Variants in EXOC6 observed in about 807,000 individuals in gnomAD.
The protein encoded by EXOC6 is SEC15-like 1.
In EXOC6, 60 loss-of-function variants were observed where a neutral mutation model predicts 112.5. The observed-to-expected ratio is 0.53, with a 90% CI of 0.43 to 0.66. EXOC6 has a LOEUF of 0.66. Among genes scored for constraint, EXOC6 ranks in the 30% least tolerant of loss-of-function variants. EXOC6 has a pLI of 0.00. For synonymous variants in EXOC6, 295 were observed against 308.0 expected, an observed-to-expected ratio of 0.96 and a Z score of 0.44; for missense variants, 855 against 957.1, an observed-to-expected ratio of 0.89 and a Z score of 1.41.
intron 19 of EXOC6, among the ~76,000 whole-genome samples, chr10:93,005,313 TC>T (rs1362652796): frequency 6.6e-6 from 1 of 152,098 alleles, no homozygotes; most frequent in Non-Finnish European, 1.5e-5. Flanking sequence ...CAAAAATAGC[TC>T]CCTCTGAAAG....
chr10:93,048,358 G>GT (rs1188788460), intron 20 of EXOC6, among the ~76,000 whole-genome samples: 4 of 152,004 alleles, frequency 2.6e-5, no homozygotes, highest in Admixed American at 1.3e-4. Context: ...GTAATTGAAG[G>GT]TTTTTATTAT....
intron 1 of EXOC6, among the ~76,000 whole-genome samples, chr10:92,853,529 C>T (rs963049435): frequency 2.0e-5 from 3 of 152,164 alleles, no homozygotes; most frequent in Non-Finnish European, 2.9e-5. Flanking sequence ...GACTGTGGTA[C>T]TAGCATCAAG....
chr10:92,908,847 C>T (rs1378569467), intron 5 of EXOC6, among the ~76,000 whole-genome samples: 1 of 152,156 alleles, frequency 6.6e-6, no homozygotes, highest in Non-Finnish European at 1.5e-5. Context: ...GGAAATATTA[C>T]ATTCAGTAAA....
intron 1 of EXOC6, among the ~76,000 whole-genome samples, chr10:92,849,449 ATAT>A (rs1487498683): frequency 6.6e-6 from 1 of 152,186 alleles, no homozygotes; most frequent in East Asian, 1.9e-4. Context: ...TTCCAATAGA[ATAT>A]TATTAGCCAG....
intron 7 of EXOC6, among the ~76,000 whole-genome samples, chr10:92,918,240 A>G (rs963294526): frequency 7.9e-5 from 12 of 152,176 alleles, no homozygotes; most frequent in African/African-American, 2.2e-4. Context: ...CTACTATCAT[A>G]GGAACCTTGT....
intron 18 of EXOC6, among the ~76,000 whole-genome samples, chr10:92,979,944 A>G (rs1842770735): frequency 6.6e-6 from 1 of 151,836 alleles, no homozygotes; most frequent in Admixed American, 6.6e-5. Context: ...CCTCCAGATT[A>G]AAATACCTAT....
intron 20 of EXOC6, among the ~76,000 whole-genome samples, chr10:93,024,355 A>C (rs1439574011): frequency 6.6e-6 from 1 of 152,204 alleles, no homozygotes; most frequent in African/African-American, 2.4e-5. Context: ...AGATGAGAAA[A>C]GGTTTCCAAG....
Position 92,861,252 on chromosome 10 carries a change from C to G in EXOC6, c.101+12618C>G, listed in dbSNP as rs960799690. ...TGATTATAATCCTTGAGCCACTGCT[C>G]TAGATCTGGGGGCACGAACAGTGGC... On this transcript the variant is annotated intron_variant, in intron 1 of 21. Transcript: ENST00000260762. Among the ~76,000 whole-genome samples the G allele has an allele frequency of 2.0e-5, 3 of 152,304 alleles. No individual in the cohort carries two copies. The South Asian group carries it at 6.2e-4, about 32-fold the overall frequency.
At chr10:92,955,538 C>G (rs1853645902) in intron 16 of EXOC6, 42 bp from the exon 17 acceptor site, 1 of 1,535,812 alleles carries the variant, frequency 6.5e-7, no homozygotes. Flanking sequence ...ATTTTACATA[C>G]ATGTAACCTG....
At chr10:92,964,327 A>G (rs1854185031) in intron 17 of EXOC6, among the ~76,000 whole-genome samples, 1 of 151,968 alleles carries the variant, frequency 6.6e-6, no homozygotes, top group Admixed American at 6.6e-5. Flanking sequence ...TTAATAAATT[A>G]TATTGGTTAG....
Position 93,050,039 on chromosome 10 carries a change from G to GT in EXOC6, c.2170-6883dup, listed in dbSNP as rs200336376. ...TAACTGTATGGTACATCTCAAAGCT[G>GT]TTAAAAAAAAAAATTTTAAAGTTAT... On this transcript the variant is annotated intron_variant, in intron 20 of 21. Coordinates refer to ENST00000260762, the MANE Select transcript of EXOC6 (RefSeq NM_019053.6). 3.1e-3 allele frequency among the ~76,000 whole-genome samples: 474 copies of GT among 150,872 alleles called. 1 individual carries two copies. Among genetic ancestry groups the GT allele is most frequent in the African/African-American group, 0.011 (436 of 40,954 alleles).
chr10:92,916,321 C>A (rs1851085037), intron 7 of EXOC6, among the ~76,000 whole-genome samples: 2 of 152,038 alleles, frequency 1.3e-5, no homozygotes, highest in Admixed American at 1.3e-4. Flanking sequence ...ACCAGCCTGG[C>A]CAACATGGTG....
At position 92,928,648 on chromosome 10, in the gene EXOC6, TA is replaced by T. The variant is rs566205385; in HGVS notation, c.972+240del. Reference sequence around the variant, plus strand: ...TATTAGGAAAGATAGACAGCGAATTTAAAAAAAAAAAAAAGGACCAACAAGA... The same window carrying T: ...TATTAGGAAAGATAGACAGCGAATTTAAAAAAAAAAAAAGGACCAACAAGA... On this transcript the variant is annotated intron_variant, in intron 9 of 21. Transcript: ENST00000260762. Among the ~76,000 whole-genome samples, 863 of 138,934 alleles carry T rather than the reference TA, an allele frequency of 6.2e-3. 3 individuals carry two copies. The highest frequency in any genetic ancestry group is 0.011 in the Middle Eastern group (3 of 276). The allele number at this position is 138,934 out of a possible 152,430, so 91.1% of individuals were successfully genotyped here.
chr10:92,836,905 C>T (rs994659285), intron 1 of EXOC6, among the ~76,000 whole-genome samples: 4 of 152,148 alleles, frequency 2.6e-5, no homozygotes, highest in African/African-American at 9.7e-5. Flanking sequence ...TTCCTTTCCC[C>T]TATTATTCGC....
chr10:92,846,812 A>G (rs1450377084), upstream of EXOC6, among the ~76,000 whole-genome samples: 2 of 152,196 alleles, frequency 1.3e-5, no homozygotes, highest in Non-Finnish European at 2.9e-5. Context: ...GGTATTGCAT[A>G]TGTGATTAAG....
At chr10:92,910,746 G>A (rs867721886) in intron 6 of EXOC6, among the ~76,000 whole-genome samples, 2 of 152,050 alleles carry the variant, frequency 1.3e-5, no homozygotes, top group African/African-American at 4.8e-5. Flanking sequence ...TGGCTAACAC[G>A]GTGAAACCCC....
At chr10:92,914,919 T>G (rs149021063) in intron 6 of EXOC6, among the ~76,000 whole-genome samples, 6 of 152,358 alleles carry the variant, frequency 3.9e-5, no homozygotes, top group African/African-American at 1.4e-4. Context: ...TTTTTTCTAT[T>G]TCTGGTAATG....
At chr10:92,896,155 A>G (rs1403967244) in intron 4 of EXOC6, among the ~76,000 whole-genome samples, 26 of 13,118 alleles carry the variant, frequency 2.0e-3, no homozygotes, top group East Asian at 0.01. Context: ...GTGTATATAT[A>G]TATATATATA....
chr10:93,036,545 T>C (rs1260519076), intron 20 of EXOC6, among the ~76,000 whole-genome samples: 1 of 152,200 alleles, frequency 6.6e-6, no homozygotes, highest in African/African-American at 2.4e-5. Flanking sequence ...TGTCTATCTA[T>C]TAATGAAGCT....
Sources: allele counts gnomAD v4.1 joint callset (sites outside exome capture counted in the v4.1 genomes callset), GRCh38; gene constraint gnomAD v4.1.1; transcripts MANE v1.5; gene names NCBI Gene and HGNC (gene_info 2026-07-23, HGNC 2026-07-21).